Variants in PSME4 observed in about 807,000 individuals in gnomAD.
PSME4 encodes the protein proteasome activator subunit 4, also known as proteasome activator complex subunit 4.
Under a neutral mutation model 253.9 loss-of-function variants are expected in PSME4, and 89 were observed. The observed-to-expected ratio is 0.35, with a 90% CI of 0.30 to 0.42. The LOEUF (loss-of-function observed/expected upper bound fraction) is 0.42. Ranked by LOEUF, PSME4 falls within the 10% of genes least tolerant of loss-of-function variation. PSME4 has a pLI of 1.00. For synonymous variants in PSME4, 851 were observed against 759.2 expected, an observed-to-expected ratio of 1.12 and a Z score of -1.99; for missense variants, 2,014 against 2,195.2, an observed-to-expected ratio of 0.92 and a Z score of 1.65.
At chr2:53,874,740 T>G (rs1679045257) in intron 42 of PSME4, among the ~76,000 whole-genome samples, 1 of 151,916 alleles carries the variant, frequency 6.6e-6, no homozygotes, top group Admixed American at 6.6e-5. Context: ...AGGTCAGGAG[T>G]TTGAGATCAG....
chr2:53,894,563 C>T (rs1490650666), intron 34 of PSME4, among the ~76,000 whole-genome samples: 1 of 152,212 alleles, frequency 6.6e-6, no homozygotes, highest in Admixed American at 6.5e-5. Context: ...TGTGCCATGG[C>T]TCCCAGCCAA....
At position 53,893,711 on chromosome 2, in the gene PSME4, T is replaced by C. The variant is rs1227602918; in HGVS notation, c.4001A>G (p.Lys1334Arg). Residue 1334 changes from lysine to arginine, a missense_variant, in exon 35 of 47, where the codon AAA (lysine) becomes AGA (arginine). By Grantham distance (26) the Lys-to-Arg change is conservative. Coordinates refer to ENST00000404125, the MANE Select transcript of PSME4 (RefSeq NM_014614.3). ...TFLSLEDRKG[K>R]DKFNPRRFCL... ...AAAACGTCGTGGATTAAACTTATCT[T>C]TTCCTTTTCTGTCTTCTAATGATAG... The C allele has an allele frequency of 1.2e-6, 2 of 1,610,620 alleles. No individual in the cohort carries two copies. The highest frequency in any genetic ancestry group is 2.7e-5 in the African/African-American group (2 of 74,798).
At position 53,899,952 on chromosome 2, in the gene PSME4, C is replaced by G; in HGVS notation, c.3351G>C (p.Gln1117His). Residue 1117 changes from glutamine to histidine, a missense_variant, in exon 29 of 47, where the codon CAG becomes CAC. Physicochemically the swap from Gln to His is conservative, Grantham distance 24. Around this residue, in one of 4 missense-constraint regions of PSME4, gnomAD observed 989 missense variants for 1,021.1 expected, o/e 0.97. Transcript: ENST00000404125. ...TAATTTTTTCTGGGCTAAGCAATAT[C>G]TGGTTGATAGAGGGGTTTTTTGACT... ...LQQSKNPSINQILLSPEKIKE... is the reference protein window; with the variant it reads ...LQQSKNPSINHILLSPEKIKE... The G allele has an allele frequency of 6.2e-7, 1 of 1,613,342 alleles. No individual in the cohort carries two copies. Among genetic ancestry groups the G allele is most frequent in the Non-Finnish European group, 8.5e-7 (1 of 1,179,398 alleles).
chr2:53,918,548 C>G (rs1434695939), intron 20 of PSME4, among the ~76,000 whole-genome samples: 1 of 152,050 alleles, frequency 6.6e-6, no homozygotes. Flanking sequence ...GCCATGTCAT[C>G]CAGGCTGATC....
chr2:53,945,203 A>G (rs1182752948), intron 3 of PSME4, among the ~76,000 whole-genome samples: 1 of 152,244 alleles, frequency 6.6e-6, no homozygotes, highest in African/African-American at 2.4e-5. Flanking sequence ...CAACACCATT[A>G]GTATGTTGCC....
chr2:53,929,544 C>T (rs1668726418), intron 10 of PSME4, among the ~76,000 whole-genome samples: 2 of 151,846 alleles, frequency 1.3e-5, no homozygotes, highest in South Asian at 4.1e-4. Context: ...ATCCATCTTC[C>T]TCAGACTTCC....
At chr2:53,962,692 G>A (rs1670543174) in intron 1 of PSME4, among the ~76,000 whole-genome samples, 1 of 152,104 alleles carries the variant, frequency 6.6e-6, no homozygotes, top group African/African-American at 2.4e-5. Context: ...GGCCTAGTCT[G>A]TCCTAAATGA....
At chr2:53,945,785 G>C (rs927681826) in intron 3 of PSME4, among the ~76,000 whole-genome samples, 1 of 152,162 alleles carries the variant, frequency 6.6e-6, no homozygotes, top group African/African-American at 2.4e-5. Flanking sequence ...AACACATGTA[G>C]TCAGCTGACA....
intron 20 of PSME4, among the ~76,000 whole-genome samples, chr2:53,912,449 G>A (rs1667867213): frequency 6.6e-6 from 1 of 152,110 alleles, no homozygotes; most frequent in Admixed American, 6.6e-5. Context: ...TTCTCAGCAA[G>A]TGTAGCTATT....
chr2:53,918,719 TA>T (rs898923274), intron 20 of PSME4, among the ~76,000 whole-genome samples: 1 of 152,298 alleles, frequency 6.6e-6, no homozygotes, highest in South Asian at 2.1e-4. Flanking sequence ...GAAAAGCACT[TA>T]AAAAATCATA....
chr2:53,880,539 C>T (rs1022297338), intron 41 of PSME4, among the ~76,000 whole-genome samples: 1 of 152,126 alleles, frequency 6.6e-6, no homozygotes, highest in African/African-American at 2.4e-5. Context: ...GAGGTTCCAT[C>T]AACAGAAAAC....
At position 53,888,767 on chromosome 2, in the gene PSME4, A is replaced by G. The variant is rs805400; in HGVS notation, c.4342T>C (p.Leu1448=). The change falls in exon 38 of 47, where the codon TTG becomes CTG. Residue 1448 remains leucine (L), a synonymous_variant. Coordinates refer to ENST00000404125, the MANE Select transcript of PSME4 (RefSeq NM_014614.3). ...CCTTCACCACTCAATGGTGATTCCA[A>G]CAGCAGTTCAAAAAGCCAGTGAAGT... ...RKLHWLFELL[L]ESPLSGEGGS... The G allele has an allele frequency of 0.32, 507,597 of 1,610,600 alleles. 82,347 individuals are homozygous for G. The highest frequency in any genetic ancestry group is 0.46 in the South Asian group (41,532 of 90,608).
At position 53,919,202 on chromosome 2, in the gene PSME4, A is replaced by G; in HGVS notation, c.2465T>C (p.Ile822Thr). Reference protein sequence around the residue: ...QSLTIVHNCLIGSGNLLPPLK... With the variant: ...QSLTIVHNCLTGSGNLLPPLK... Reference sequence around the variant, plus strand: ...CGGAGGTAGGAGGTTTCCAGAGCCAATTAAACAGTTGTGCACTATAGTCAG... The same window carrying G: ...CGGAGGTAGGAGGTTTCCAGAGCCAGTTAAACAGTTGTGCACTATAGTCAG... The change falls in exon 20 of 47, where the codon ATT becomes ACT. Residue 822 changes from isoleucine (I) to threonine (T), a missense_variant. Physicochemically the swap from Ile to Thr is moderately conservative, Grantham distance 89. Around this residue, in one of 4 missense-constraint regions of PSME4, gnomAD observed 989 missense variants for 1,021.1 expected, o/e 0.97. Coordinates refer to ENST00000404125, the MANE Select transcript of PSME4 (RefSeq NM_014614.3). 2 of 1,612,364 alleles carry G rather than the reference A, an allele frequency of 1.2e-6. No homozygotes were observed. The highest frequency in any genetic ancestry group is 1.7e-6 in the Non-Finnish European group (2 of 1,179,330).
rs1006454277 is a variant in PSME4, at chr2:53,900,647, T to C, written c.3286-630A>G. 2.6e-5 allele frequency among the ~76,000 whole-genome samples: 4 copies of C among 152,236 alleles called. No individual in the cohort carries two copies. In the East Asian group the frequency reaches 7.7e-4, roughly 29 times the overall value. ...TATTAAAAGGGTGATATTTATGATA[T>C]GTGAATTACATCTCAATTAAAATTT... On this transcript the variant is annotated intron_variant, in intron 28 of 46. Transcript: ENST00000404125.
chr2:53,910,782 A>G (rs2104443343), intron 20 of PSME4, among the ~76,000 whole-genome samples: 1 of 152,378 alleles, frequency 6.6e-6, no homozygotes, highest in Non-Finnish European at 1.5e-5. Context: ...TTTTATAGGA[A>G]AATGAGAATT....
chr2:53,902,473 T>TA (rs1303795243), intron 27 of PSME4, among the ~76,000 whole-genome samples: 1 of 152,210 alleles, frequency 6.6e-6, no homozygotes, highest in Non-Finnish European at 1.5e-5. Context: ...ATCTAGCTTA[T>TA]TACTGACTTT....
Position 53,928,128 on chromosome 2 carries a change from T to C in PSME4, c.1492A>G (p.Ser498Gly), listed in dbSNP as rs1444281973. 4 of 1,613,668 alleles carry C rather than the reference T, an allele frequency of 2.5e-6. No homozygotes were observed. Among genetic ancestry groups the C allele is most frequent in the Non-Finnish European group, 3.4e-6 (4 of 1,179,670 alleles). The change falls in exon 11 of 47, where the codon AGT becomes GGT. Residue 498 changes from serine (S) to glycine (G), a missense_variant. Ser to Gly is a moderately conservative substitution (Grantham distance 56). Coordinates refer to ENST00000404125, the MANE Select transcript of PSME4 (RefSeq NM_014614.3). ...ACCAATATACTCACCATGCATTTAC[T>C]AAAGTCATTTGGATCCACCCCAGGC... is the stretch of plus-strand genomic sequence containing the variant. ...ALPGVDPNDFSKCMITFQFIA... is the reference protein window; with the variant it reads ...ALPGVDPNDFGKCMITFQFIA...
At chr2:53,951,532 T>C (rs1024652108) in intron 1 of PSME4, among the ~76,000 whole-genome samples, 8 of 152,228 alleles carry the variant, frequency 5.3e-5, no homozygotes, top group African/African-American at 1.7e-4. Context: ...TATAATCCCA[T>C]GATCTCACAT....
intron 20 of PSME4, among the ~76,000 whole-genome samples, chr2:53,913,947 G>A (rs1364200373): frequency 1.3e-5 from 2 of 152,214 alleles, no homozygotes; most frequent in South Asian, 2.1e-4. Context: ...GGTGCCAAGA[G>A]AGGTTAGCTA....
Sources: gnomAD v4.1 joint callset for allele counts (sites outside exome capture counted in the v4.1 genomes callset) on GRCh38, gnomAD v4.1.1 for gene constraint, gnomAD v4.1.1 regional missense constraint, MANE v1.5 for transcripts, NCBI Gene and HGNC (gene_info 2026-07-23, HGNC 2026-07-21) for gene names.